Variants in NUP155 observed in about 807,000 individuals in gnomAD.
NUP155 encodes nucleoporin 155.
In NUP155, 71 loss-of-function variants were observed where a neutral mutation model predicts 180.4. The observed-to-expected ratio is 0.39, with a 90% CI of 0.33 to 0.48. The LOEUF is 0.48. Among genes scored for constraint, NUP155 ranks in the 20% least tolerant of loss-of-function variants. The probability of loss-of-function intolerance (pLI) is 0.91; values close to 1 mark genes in which losing one functional copy is unlikely to be tolerated. For missense variants in NUP155, 1,553 were observed against 1,648.9 expected, an observed-to-expected ratio of 0.94 and a Z score of 1.01; for synonymous variants, 582 against 559.5, an observed-to-expected ratio of 1.04 and a Z score of -0.57.
chr5:37,335,380 GAAAAA>G (rs5867345), intron 12 of NUP155, among the ~76,000 whole-genome samples: 1 of 116,626 alleles, frequency 8.6e-6, no homozygotes. Flanking sequence ...CCCTGTCTCA[GAAAAA>G]AAAAAAAAAA....
chr5:37,331,819 T>C (rs755296775), intron 13 of NUP155, 24 bp from the exon 14 acceptor site: 15 of 1,405,712 alleles, frequency 1.1e-5, no homozygotes, highest in Non-Finnish European at 1.4e-5. Context: ...AGAAAGAACA[T>C]GAACAAGAGA....
rs766211594 is a variant in NUP155, at chr5:37,352,696, T to C, written c.556+41A>G. 9 of 1,343,476 alleles carry C rather than the reference T, an allele frequency of 6.7e-6. No individual in the cohort carries two copies. In the African/African-American group the frequency reaches 8.6e-5, roughly 13 times the overall value. The allele number at this position is 1,343,476 out of a possible 1,614,324, so 83.2% of individuals were successfully genotyped here. A position where few individuals can be genotyped will look rare whatever the true frequency, so the allele number is the denominator to read the frequency against. Reference sequence around the variant, plus strand: ...TAACTGTAATATCAATTGGCCAAAATACTATTATTTTAAAAAACGTTAACA... The same window carrying C: ...TAACTGTAATATCAATTGGCCAAAACACTATTATTTTAAAAAACGTTAACA... On this transcript the variant is annotated intron_variant, in intron 5 of 34. Transcript: ENST00000231498.
chr5:37,299,834 A>G (rs956907402), intron 30 of NUP155, among the ~76,000 whole-genome samples: 8 of 151,568 alleles, frequency 5.3e-5, no homozygotes, highest in African/African-American at 1.5e-4. Flanking sequence ...GGAGATGGAG[A>G]CCATCCTGGC....
intron 1 of NUP155, among the ~76,000 whole-genome samples, chr5:37,366,851 C>T (rs1056907970): frequency 6.6e-5 from 10 of 151,866 alleles, no homozygotes; most frequent in Non-Finnish European, 1.2e-4. Flanking sequence ...GGGGTGTCAC[C>T]GTGTTAGCCA....
At chr5:37,360,924 C>A (rs924496048) in intron 3 of NUP155, among the ~76,000 whole-genome samples, 1 of 151,830 alleles carries the variant, frequency 6.6e-6, no homozygotes, top group South Asian at 2.1e-4. Context: ...AGGTATATAA[C>A]AAAAGTATAG....
chr5:37,370,658 G>A (rs1747901286), intron 1 of NUP155, 163 bp downstream of exon 1: 1 of 1,587,184 alleles, frequency 6.3e-7, no homozygotes, highest in Non-Finnish European at 8.5e-7. Context: ...GTGAGGAAAG[G>A]AAAAAACCTG....
intron 23 of NUP155, 105 bp downstream of exon 23, chr5:37,310,447 T>C: frequency 1.2e-6 from 1 of 865,072 alleles, no homozygotes; most frequent in East Asian, 2.6e-5. Flanking sequence ...TAGGAGAGGT[T>C]AAGAGATCTA....
At chr5:37,318,682 T>G (rs1363913631) in intron 20 of NUP155, among the ~76,000 whole-genome samples, 1 of 151,874 alleles carries the variant, frequency 6.6e-6, no homozygotes, top group Non-Finnish European at 1.5e-5. Context: ...ACAGTTCGGA[T>G]AAGGGATATT....
At chr5:37,358,183 A>G in intron 3 of NUP155, 32 bp from the exon 4 acceptor site, 2 of 1,509,466 alleles carry the variant, frequency 1.3e-6, no homozygotes, top group African/African-American at 1.4e-5. Flanking sequence ...CATGTTACAC[A>G]TATAAAGCAA....
chr5:37,365,752 TACACACACAC>T lies in NUP155; in HGVS notation c.158-1378_158-1369del, dbSNP rs372031424. Among the ~76,000 whole-genome samples the T allele has an allele frequency of 2.9e-3, 109 of 37,880 alleles. 1 individual carries two copies. Among genetic ancestry groups the T allele is most frequent in the African/African-American group, 4.6e-3 (42 of 9,228 alleles). 24.9% of individuals were successfully genotyped at this position (37,880 alleles called of 152,430 possible). A position where few individuals can be genotyped will look rare whatever the true frequency, so the allele number is the denominator to read the frequency against. ...AAAAAAAAAAAAATATATATATATATACACACACACACACACACACACACACACACACACA... is the reference window on the plus strand; with the variant it reads ...AAAAAAAAAAAAATATATATATATATACACACACACACACACACACACACA... On this transcript the variant is annotated intron_variant, in intron 1 of 34. Coordinates refer to ENST00000231498, the MANE Select transcript of NUP155 (RefSeq NM_153485.3).
chr5:37,315,322 T>G (rs1743812957), intron 21 of NUP155, among the ~76,000 whole-genome samples: 1 of 152,218 alleles, frequency 6.6e-6, no homozygotes, highest in African/African-American at 2.4e-5. Flanking sequence ...AAAAATTAAA[T>G]GGCACAAAAA....
intron 1 of NUP155, among the ~76,000 whole-genome samples, chr5:37,364,927 T>C (rs1413631367): frequency 6.6e-6 from 1 of 151,796 alleles, no homozygotes; most frequent in East Asian, 2.0e-4. Context: ...TGAGCCACCG[T>C]GCCCAGCTGG....
At chr5:37,321,529 C>T (rs193105258) in intron 20 of NUP155, among the ~76,000 whole-genome samples, 1 of 152,072 alleles carries the variant, frequency 6.6e-6, no homozygotes, top group East Asian at 1.9e-4. Context: ...CCATCCTGGG[C>T]AACATGGTGA....
At chr5:37,331,009 C>A (rs970782210) in intron 14 of NUP155, among the ~76,000 whole-genome samples, 1 of 151,590 alleles carries the variant, frequency 6.6e-6, no homozygotes. Flanking sequence ...ATTAGCCAGG[C>A]GTGGTGGGGG....
At chr5:37,314,563 C>T (rs1233414478) in intron 21 of NUP155, among the ~76,000 whole-genome samples, 2 of 152,138 alleles carry the variant, frequency 1.3e-5, no homozygotes, top group African/African-American at 4.8e-5. Context: ...TGTGGCTGGG[C>T]GCGGTGGCTC....
intron 14 of NUP155, 98 bp from the exon 15 acceptor site, chr5:37,330,230 A>C: frequency 2.4e-6 from 2 of 817,696 alleles, no homozygotes; most frequent in South Asian, 1.5e-5. Flanking sequence ...TCTAGCACAG[A>C]GCAGGCATTC....
chr5:37,310,861 G>A (rs975584427), intron 22 of NUP155, 118 bp from the exon 23 acceptor site: 23 of 835,272 alleles, frequency 2.8e-5, no homozygotes, highest in South Asian at 1.4e-4. Flanking sequence ...ATTGAAAAGC[G>A]AAAATATACT....
intron 20 of NUP155, among the ~76,000 whole-genome samples, chr5:37,322,766 A>G (rs1744332550): frequency 6.7e-6 from 1 of 150,068 alleles, no homozygotes; most frequent in Admixed American, 6.7e-5. Context: ...GGTGGTCAGG[A>G]GTTTGAGACC....
chr5:37,345,339 T>C (rs1043215314), intron 9 of NUP155, among the ~76,000 whole-genome samples: 2 of 151,720 alleles, frequency 1.3e-5, no homozygotes, highest in African/African-American at 4.8e-5. Context: ...AAACCCCGTC[T>C]GTACCAAAAA....
Sources: gnomAD v4.1 joint callset for allele counts (sites outside exome capture counted in the v4.1 genomes callset) on GRCh38, gnomAD v4.1.1 for gene constraint, MANE v1.5 for transcripts, NCBI Gene and HGNC (gene_info 2026-07-23, HGNC 2026-07-21) for gene names.